NR3C2: variants seen among roughly 807,000 people sequenced by gnomAD.
NR3C2 encodes mineralocorticoid receptor.
NR3C2 carries 15 observed loss-of-function variants against 86.4 expected under a neutral mutation model. The observed-to-expected ratio is 0.17, with a 90% CI of 0.12 to 0.27. NR3C2 has a LOEUF of 0.27. Among genes scored for constraint, NR3C2 ranks in the 10% least tolerant of loss-of-function variants. The probability of loss-of-function intolerance (pLI) is 1.00; values close to 1 mark genes in which losing one functional copy is unlikely to be tolerated. For missense variants in NR3C2, 960 were observed against 1,195.6 expected, an observed-to-expected ratio of 0.80 and a Z score of 2.91; for synonymous variants, 458 against 450.5, an observed-to-expected ratio of 1.02 and a Z score of -0.21.
intron 3 of NR3C2, among the ~76,000 whole-genome samples, chr4:148,242,140 T>C (rs762671504): frequency 6.6e-6 from 1 of 152,188 alleles, no homozygotes; most frequent in Non-Finnish European, 1.5e-5. Context: ...TATGGTTGCA[T>C]AACAATGTGA....
intron 2 of NR3C2, among the ~76,000 whole-genome samples, chr4:148,323,310 C>T (rs940697141): frequency 1.4e-5 from 2 of 147,430 alleles, no homozygotes; most frequent in Non-Finnish European, 3.0e-5. Context: ...TTTAAGTCTG[C>T]AGAGGTTACT....
At chr4:148,270,658 G>A (rs576200419) in intron 2 of NR3C2, among the ~76,000 whole-genome samples, 9 of 152,150 alleles carry the variant, frequency 5.9e-5, no homozygotes, top group Non-Finnish European at 8.8e-5. Flanking sequence ...AAGTCTTTTG[G>A]TATTTTTTCA....
At chr4:148,195,867 A>G (rs1736418228) in intron 3 of NR3C2, among the ~76,000 whole-genome samples, 1 of 152,228 alleles carries the variant, frequency 6.6e-6, no homozygotes, top group Non-Finnish European at 1.5e-5. Context: ...AGCTAAGGTG[A>G]GCCACATCAC....
chr4:148,200,251 T>A (rs1206531845), intron 3 of NR3C2, among the ~76,000 whole-genome samples: 5 of 152,162 alleles, frequency 3.3e-5, no homozygotes, highest in African/African-American at 1.2e-4. Context: ...CTCTTCTGGG[T>A]TTCAGCCCCA....
chr4:148,304,380 C>T (rs1242769495), intron 2 of NR3C2, among the ~76,000 whole-genome samples: 1 of 139,636 alleles, frequency 7.2e-6, no homozygotes, highest in Admixed American at 7.7e-5. Flanking sequence ...GCTTCCCTCT[C>T]CCTGTACAAA....
rs752443247 is a variant in NR3C2 at position 148,435,534 on chromosome 4, C to T, written c.1327G>A (p.Gly443Arg). The T allele has an allele frequency of 1.2e-6, 2 of 1,614,078 alleles. No individual in the cohort carries two copies. The highest frequency in any genetic ancestry group is 1.7e-6 in the Non-Finnish European group (2 of 1,180,018). The change falls in exon 2 of 9, where the codon GGG (glycine) becomes AGG (arginine). Residue 443 changes from glycine to arginine, a missense_variant. This residue lies in a region of NR3C2 where 680 missense variants were observed against 719.0 expected (regional missense o/e 0.95). Coordinates refer to ENST00000358102, the MANE Select transcript of NR3C2 (RefSeq NM_000901.5). ...GGAAACGGGTTTACTGTTGGATTCC[C>T]TTTAAAAGAGGTGCCTGAACATGAA... The part of the protein sequence containing the change: ...KHSCSGTSFK[G>R]NPTVNPFPFM...
intron 2 of NR3C2, among the ~76,000 whole-genome samples, chr4:148,300,587 C>CTTTTTTTTTTTTTTTTTTTTTTTT (rs1561027556): frequency 1.5e-5 from 1 of 67,830 alleles, no homozygotes; most frequent in African/African-American, 4.7e-5. Context: ...CCTTGCTACT[C>CTTTTTTTTTTTTTTTTTTTTTTTT]ATTTTTTTTT....
In NR3C2 at chr4:148,194,964, ATC is replaced by A. The variant is rs1174231793; in HGVS notation, c.1898-104_1898-103del. The A allele has an allele frequency of 2.2e-4, 195 of 891,314 alleles. No individual in the cohort carries two copies. In the East Asian group the frequency reaches 4.4e-3, roughly 20 times the overall value. 55.2% of individuals were successfully genotyped at this position (891,314 alleles called of 1,614,324 possible). A position where few individuals can be genotyped will look rare whatever the true frequency, so the allele number is the denominator to read the frequency against. On this transcript the variant is annotated intron_variant, in intron 3 of 8. Coordinates refer to ENST00000358102, the MANE Select transcript of NR3C2 (RefSeq NM_000901.5). ...AAAACTACTTCTTTCCTGCCTTGAAATCTCTTTCTCAAAAAAGTAAAAGTACA... is the reference window on the plus strand; with the variant it reads ...AAAACTACTTCTTTCCTGCCTTGAAATCTTTCTCAAAAAAGTAAAAGTACA...
At chr4:148,290,376 G>A (rs1457769953) in intron 2 of NR3C2, among the ~76,000 whole-genome samples, 1 of 152,152 alleles carries the variant, frequency 6.6e-6, no homozygotes, top group Admixed American at 6.5e-5. Context: ...AAAGAGAGAA[G>A]CATAAATTCA....
intron 2 of NR3C2, among the ~76,000 whole-genome samples, chr4:148,361,304 C>T (rs1226189839): frequency 6.6e-6 from 1 of 152,192 alleles, no homozygotes; most frequent in Non-Finnish European, 1.5e-5. Context: ...AAATGCTAAA[C>T]CTTTAATCAC....
chr4:148,443,019 T>C (rs1750428983), upstream of NR3C2: 1 of 978,868 alleles, frequency 1.0e-6, no homozygotes, highest in Non-Finnish European at 1.2e-6. Flanking sequence ...GGGAGGACTC[T>C]GGGTGGGCTT....
chr4:148,278,539 A>G (rs1204146827), intron 2 of NR3C2, among the ~76,000 whole-genome samples: 1 of 152,192 alleles, frequency 6.6e-6, no homozygotes, highest in Non-Finnish European at 1.5e-5. Flanking sequence ...ATAGGAATGC[A>G]TGACCATAAA....
chr4:148,353,439 C>T (rs1745397043), intron 2 of NR3C2, among the ~76,000 whole-genome samples: 1 of 152,018 alleles, frequency 6.6e-6, no homozygotes, highest in Non-Finnish European at 1.5e-5. Context: ...CAACAATATA[C>T]ATCTTCCATA....
chr4:148,251,755 GA>G (rs1373006923), intron 3 of NR3C2, among the ~76,000 whole-genome samples: 2 of 152,074 alleles, frequency 1.3e-5, no homozygotes, highest in South Asian at 2.1e-4. Flanking sequence ...CATTCCTTAA[GA>G]AAAAATAGAG....
chr4:148,362,053 G>A (rs1745865099), intron 2 of NR3C2, among the ~76,000 whole-genome samples: 1 of 152,118 alleles, frequency 6.6e-6, no homozygotes, highest in African/African-American at 2.4e-5. Context: ...GGCCAGGCTG[G>A]TCTCAAATTC....
intron 4 of NR3C2, among the ~76,000 whole-genome samples, chr4:148,176,769 G>A (rs1427077441): frequency 1.3e-5 from 2 of 152,184 alleles, no homozygotes; most frequent in Non-Finnish European, 2.9e-5. Context: ...GCATGTCAGA[G>A]GCATGTGATG....
At chr4:148,204,418 A>G (rs1432840632) in intron 3 of NR3C2, among the ~76,000 whole-genome samples, 3 of 152,202 alleles carry the variant, frequency 2.0e-5, no homozygotes, top group Non-Finnish European at 4.4e-5. Flanking sequence ...CATTTGTTGA[A>G]TTCCTATTAT....
chr4:148,112,853 C>G (rs1278034896), intron 8 of NR3C2, among the ~76,000 whole-genome samples: 1 of 151,986 alleles, frequency 6.6e-6, no homozygotes, highest in East Asian at 1.9e-4. Flanking sequence ...CATAATAATA[C>G]CATTATAATA....
Position 148,435,207 on chromosome 4 carries a change from G to A in NR3C2, c.1654C>T (p.Pro552Ser), listed in dbSNP as rs1290787616. 7.4e-6 allele frequency: 12 copies of A among 1,614,186 alleles called. No individual in the cohort carries two copies. The highest frequency in any genetic ancestry group is 2.7e-5 in the African/African-American group (2 of 75,034). Residue 552 changes from proline to serine, a missense_variant, in exon 2 of 9, where the codon CCT becomes TCT. Pro to Ser is a moderately conservative substitution (Grantham distance 74, BLOSUM62 -1). This residue lies in a region of NR3C2 where 680 missense variants were observed against 719.0 expected (regional missense o/e 0.95). Transcript: ENST00000358102. ...QSFQHLSSFP[P>S]VNTLVESWKS... Reference sequence around the variant, plus strand: ...CATGACTCCACTAAAGTATTGACAGGAGGAAAGGAACTCAGGTGTTGGAAA... The same window carrying A: ...CATGACTCCACTAAAGTATTGACAGAAGGAAAGGAACTCAGGTGTTGGAAA...
Sources: gnomAD v4.1 joint callset for allele counts (sites outside exome capture counted in the v4.1 genomes callset) on GRCh38, gnomAD v4.1.1 for gene constraint, gnomAD v4.1.1 regional missense constraint, MANE v1.5 for transcripts, NCBI Gene and HGNC (gene_info 2026-07-23, HGNC 2026-07-21) for gene names.